Variants in PTPRN observed in about 807,000 individuals in gnomAD.
The protein encoded by PTPRN is protein tyrosine phosphatase receptor type N, also known as receptor-type tyrosine-protein phosphatase-like N.
Under a neutral mutation model 108.5 loss-of-function variants are expected in PTPRN, and 70 were observed. The observed-to-expected ratio is 0.65, with a 90% confidence interval of 0.53 to 0.79. PTPRN has a LOEUF of 0.79. Among genes scored for constraint, PTPRN ranks in the 30% least tolerant of loss-of-function variants. The probability of loss-of-function intolerance (pLI) is 0.00; values close to 1 mark genes in which losing one functional copy is unlikely to be tolerated. For synonymous variants in PTPRN, 496 were observed against 524.6 expected (o/e 0.95, Z 0.75); for missense variants, 1,136 against 1,295.5 (o/e 0.88, Z 1.89).
chr2:219,294,336 G>A (rs1041822038), intron 19 of PTPRN: 7 of 373,446 alleles, frequency 1.9e-5, no homozygotes, highest in Non-Finnish European at 3.3e-5. Context: ...GAAAAACAGG[G>A]GAGAGGGCAG....
intron 3 of PTPRN, among the ~76,000 whole-genome samples, chr2:219,305,441 C>T (rs916973219): frequency 6.6e-6 from 1 of 152,072 alleles, no homozygotes; most frequent in Admixed American, 6.6e-5. Flanking sequence ...CAAGGTTTCA[C>T]CATGTTGGTC....
chr2:219,302,551 G>A, intron 5 of PTPRN, 25 bp downstream of exon 5: 1 of 1,612,770 alleles, frequency 6.2e-7, no homozygotes, highest in Non-Finnish European at 8.5e-7. Context: ...CTGCGGTTGG[G>A]GTGGGACCAG....
At chr2:219,291,825 C>T (rs748197487) in intron 19 of PTPRN, 3 of 479,494 alleles carry the variant, frequency 6.3e-6, no homozygotes, top group Non-Finnish European at 1.1e-5. Context: ...AGAAAAACCT[C>T]CTTAGGGTTC....
rs751863696 is a variant in PTPRN, at chr2:219,309,126, T to G, written c.115+92A>C. 7 of 1,411,334 alleles carry G rather than the reference T, an allele frequency of 5.0e-6. No individual in the cohort carries two copies. In the South Asian group the frequency reaches 6.2e-5, roughly 12 times the overall value. 87.4% of individuals were successfully genotyped at this position (1,411,334 alleles called of 1,614,324 possible). A position where few individuals can be genotyped will look rare whatever the true frequency, so the allele number is the denominator to read the frequency against. On this transcript the variant is annotated intron_variant, in intron 1 of 22. Transcript: ENST00000295718. ...CAACCCATATTCTCCCCGAGCTTCATGACATTTCACCCTCACCCCCACCGA... is the reference window on the plus strand; with the variant it reads ...CAACCCATATTCTCCCCGAGCTTCAGGACATTTCACCCTCACCCCCACCGA...
At chr2:219,293,442 A>C (rs2125088956) in intron 19 of PTPRN, among the ~76,000 whole-genome samples, 1 of 152,244 alleles carries the variant, frequency 6.6e-6, no homozygotes, top group Middle Eastern at 3.4e-3. Context: ...GGCCTCCCAA[A>C]GTGCTGGGAT....
intron 3 of PTPRN, among the ~76,000 whole-genome samples, chr2:219,304,854 G>A (rs187880817): frequency 2.6e-5 from 4 of 152,182 alleles, no homozygotes; most frequent in African/African-American, 7.2e-5. Flanking sequence ...GAAAAATACT[G>A]CTTGATCCCA....
At chr2:219,299,964 T>C (rs765922023) in intron 9 of PTPRN, 21 bp downstream of exon 9, 1 of 1,613,702 alleles carries the variant, frequency 6.2e-7, no homozygotes, top group South Asian at 1.1e-5. Flanking sequence ...ACCAGAAAGC[T>C]TCCCAGGATG....
chr2:219,309,391 C>A lies in PTPRN; in HGVS notation c.-59G>T, dbSNP rs955052184. 4 of 925,190 alleles carry A rather than the reference C, an allele frequency of 4.3e-6. No homozygotes were observed. Among genetic ancestry groups the A allele is most frequent in the Admixed American group, 7.3e-5 (2 of 27,584 alleles). The allele number at this position is 925,190 out of a possible 1,614,324, so 57.3% of individuals were successfully genotyped here. On this transcript the variant is annotated 5_prime_UTR_variant, in exon 1 of 23. In the 5' UTR this introduces an upstream ATG that the reference lacks. Transcript: ENST00000295718. ...GAGCCGCAGCGACGCTGGCGGGAGC[C>A]TGCCAGAGGGGCTGAGGCGGGGCTT... is the stretch of plus-strand genomic sequence containing the variant.
At chr2:219,301,110 A>G (rs1338401506) in intron 7 of PTPRN, 133 bp from the exon 8 acceptor site, 5 of 852,406 alleles carry the variant, frequency 5.9e-6, no homozygotes, top group Admixed American at 2.3e-5. Flanking sequence ...AGTGACCAAG[A>G]CCCTGTTACT....
chr2:219,291,420 A>G (rs1420383661), intron 20 of PTPRN, 50 bp downstream of exon 20: 1 of 1,568,176 alleles, frequency 6.4e-7, no homozygotes, highest in South Asian at 1.1e-5. Flanking sequence ...TGTGCACAGG[A>G]GACGCACACA....
chr2:219,304,065 T>C (rs1952423794), intron 3 of PTPRN: 1 of 371,018 alleles, frequency 2.7e-6, no homozygotes, highest in Non-Finnish European at 4.9e-6. Context: ...TATGTAACCT[T>C]GGGCAAGTTG....
rs199534270 is a variant in PTPRN, at chr2:219,302,431, G to A, written c.700C>T (p.Pro234Ser). The change falls in exon 6 of 23, where the codon CCC becomes TCC. Residue 234 changes from proline (P) to serine (S), a missense_variant. Transcript: ENST00000295718. ...GCAGGGGCTTCAGCCTTGGGCAGGG[G>A]GCCGACACTGACCATCCCTGGGGAG... ...EGSPGMVSVG[P>S]LPKAEAPALF... The A allele has an allele frequency of 5.6e-6, 9 of 1,614,170 alleles. No homozygotes were observed. In the Admixed American group the frequency reaches 1.3e-4, roughly 24 times the overall value.
At position 219,301,674 on chromosome 2, in the gene PTPRN, AC is replaced by A. The variant is rs1559301563; in HGVS notation, c.1039del (p.Val347Ter). 1 of 1,613,156 alleles carries A rather than the reference AC, an allele frequency of 6.2e-7. No individual in the cohort carries two copies. The highest frequency in any genetic ancestry group is 1.1e-5 in the South Asian group (1 of 91,046). On this transcript the variant is annotated frameshift_variant, in exon 7 of 23. Transcript: ENST00000295718. LOFTEE classifies it high-confidence loss of function. Reference sequence around the variant, plus strand: ...CTCAGGGGTCAGCTGACGCAGCTCTACCCCATAGCCCGCCAGCACAGCGGCC... The same window carrying A: ...CTCAGGGGTCAGCTGACGCAGCTCTACCCATAGCCCGCCAGCACAGCGGCC... Reference protein sequence around the residue: ...RLAAVLAGYGVELRQLTPEQL... With the variant: ...RLAAVLAGYGXELRQLTPEQL...
intron 10 of PTPRN, 153 bp downstream of exon 10, chr2:219,299,547 A>AGATG: frequency 8.8e-7 from 1 of 1,132,912 alleles, no homozygotes; most frequent in East Asian, 2.4e-5. Flanking sequence ...GGGGCCAGCA[A>AGATG]CGGGCTGGGT....
At chr2:219,298,363 G>C (rs1289006856) in intron 12 of PTPRN, among the ~76,000 whole-genome samples, 2 of 152,206 alleles carry the variant, frequency 1.3e-5, no homozygotes, top group Non-Finnish European at 2.9e-5. Flanking sequence ...CCTAGGAATT[G>C]AATTGTAGAA....
chr2:219,300,891 G>A (rs188016556), intron 8 of PTPRN, 52 bp downstream of exon 8: 6 of 1,590,488 alleles, frequency 3.8e-6, no homozygotes, highest in African/African-American at 1.3e-5. Flanking sequence ...GTTTGGCAAG[G>A]GGGCGTGCTG....
At chr2:219,294,953 A>C in intron 19 of PTPRN, 22 bp downstream of exon 19, 1 of 1,532,226 alleles carries the variant, frequency 6.5e-7, no homozygotes, top group Non-Finnish European at 8.8e-7. Flanking sequence ...CGGTCCCTCC[A>C]GGCGGGGGCG....
At position 219,297,703 on chromosome 2, in the gene PTPRN, T is replaced by C. The variant is rs1411689942; in HGVS notation, c.1887+182A>G. On this transcript the variant is annotated intron_variant, in intron 13 of 22. Transcript: ENST00000295718. This position sits in a 1 kb window ranked among gnomAD's most constrained non-coding sequence, Gnocchi z 6.0. ...ACCTTAGGCACTGTATGCTCCCAAT[T>C]CCCATGCGTTCATAAAGGCCCCTAC... 2.6e-5 allele frequency among the ~76,000 whole-genome samples: 4 copies of C among 151,942 alleles called. No individual in the cohort carries two copies. Among genetic ancestry groups the C allele is most frequent in the African/African-American group, 9.7e-5 (4 of 41,360 alleles).
chr2:219,295,194 T>A, intron 18 of PTPRN, 53 bp from the exon 19 acceptor site: 2 of 1,577,112 alleles, frequency 1.3e-6, no homozygotes, highest in Non-Finnish European at 1.7e-6. Flanking sequence ...AGTCCCCGCG[T>A]TGCGCGCGCT....
Sources: gnomAD v4.1 joint callset for allele counts (sites outside exome capture counted in the v4.1 genomes callset) on GRCh38, gnomAD v4.1.1 for gene constraint, Gnocchi (gnomAD v3.1) non-coding constraint, MANE v1.5 for transcripts, NCBI Gene and HGNC (gene_info 2026-07-23, HGNC 2026-07-21) for gene names.